Variants in CSMD1 observed in about 807,000 individuals in gnomAD.
The protein encoded by CSMD1 is CUB and sushi domain-containing protein 1.
A neutral mutation model predicts 417.5 loss-of-function variants in CSMD1; 213 were observed. The observed-to-expected ratio is 0.51, with a 90% CI of 0.46 to 0.57. The LOEUF (loss-of-function observed/expected upper bound fraction) is 0.57, where lower values mean the gene tolerates loss of function less well. Ranked by LOEUF, CSMD1 falls within the 20% of genes least tolerant of loss-of-function variation. CSMD1 has a pLI of 0.00. For synonymous variants in CSMD1, 2,862 were observed against 1,736.8 expected (o/e 1.65, Z -16.11); for missense variants, 6,923 against 4,529.7 (o/e 1.53, Z -15.17).
At chr8:3,952,574 A>G (rs189921673) in intron 5 of CSMD1, among the ~76,000 whole-genome samples, 2 of 152,202 alleles carry the variant, frequency 1.3e-5, no homozygotes, top group Non-Finnish European at 2.9e-5. Flanking sequence ...CAGAAAACAG[A>G]TCAGCAGTCA....
intron 3 of CSMD1, among the ~76,000 whole-genome samples, chr8:4,123,818 C>G (rs1000055981): frequency 2.0e-5 from 3 of 152,034 alleles, no homozygotes; most frequent in Non-Finnish European, 4.4e-5. Context: ...GAACTAAGTT[C>G]AAGTGAGGAC....
At chr8:3,751,582 AGTT>A (rs1464271392) in intron 6 of CSMD1, among the ~76,000 whole-genome samples, 1 of 150,830 alleles carries the variant, frequency 6.6e-6, no homozygotes, top group Non-Finnish European at 1.5e-5. Context: ...TCTATAATGT[AGTT>A]GTATTGTTTA....
At chr8:4,970,844 G>C (rs1279211297) in intron 1 of CSMD1, among the ~76,000 whole-genome samples, 1 of 151,830 alleles carries the variant, frequency 6.6e-6, no homozygotes, top group African/African-American at 2.4e-5. Context: ...ATCAAAGTAT[G>C]GTAGATTTTG....
chr8:4,653,240 C>T (rs904892233), intron 1 of CSMD1, among the ~76,000 whole-genome samples: 2 of 152,072 alleles, frequency 1.3e-5, no homozygotes, highest in Non-Finnish European at 2.9e-5. Flanking sequence ...CTATACAAAT[C>T]GGGCTCCTAT....
chr8:3,132,979 T>C (rs1473086838), intron 41 of CSMD1, among the ~76,000 whole-genome samples: 3 of 152,190 alleles, frequency 2.0e-5, no homozygotes, highest in Non-Finnish European at 4.4e-5. Context: ...TGCCGCTCCG[T>C]TCACCTGGGA....
chr8:3,485,538 CAGAGAGAGAG>C (rs55757538), intron 11 of CSMD1, among the ~76,000 whole-genome samples: 1 of 134,922 alleles, frequency 7.4e-6, no homozygotes, highest in South Asian at 2.4e-4. Flanking sequence ...CACACACACA[CAGAGAGAGAG>C]AGAGAGAGAG....
At chr8:4,565,794 A>ATATATG (rs1798579519) in intron 2 of CSMD1, among the ~76,000 whole-genome samples, 4 of 67,560 alleles carry the variant, frequency 5.9e-5, no homozygotes, top group African/African-American at 2.2e-4. Context: ...ATATATATAT[A>ATATATG]TATGTATACA....
intron 1 of CSMD1, among the ~76,000 whole-genome samples, chr8:4,649,011 C>A (rs371456860): frequency 6.6e-6 from 1 of 152,114 alleles, no homozygotes; most frequent in African/African-American, 2.4e-5. Flanking sequence ...ATCTATACTG[C>A]GGTTATATAT....
intron 3 of CSMD1, among the ~76,000 whole-genome samples, chr8:4,268,833 T>G (rs2128849194): frequency 6.6e-6 from 1 of 152,284 alleles, no homozygotes; most frequent in African/African-American, 2.4e-5. Context: ...CAAGTAATCT[T>G]AATATGGGAG....
At chr8:4,537,147 G>A (rs962636237) in intron 2 of CSMD1, among the ~76,000 whole-genome samples, 2 of 152,030 alleles carry the variant, frequency 1.3e-5, no homozygotes, top group African/African-American at 4.8e-5. Context: ...ATTACAATTT[G>A]GGTCCTCTTG....
At chr8:3,700,988 C>A (rs931173) in intron 7 of CSMD1, among the ~76,000 whole-genome samples, 8,136 of 148,424 alleles carry the variant, frequency 0.055, 724 homozygotes, top group African/African-American at 0.19. Context: ...AGGTGAGGGG[C>A]GACGGTGGTT....
intron 12 of CSMD1, among the ~76,000 whole-genome samples, chr8:3,452,755 C>A (rs1815831458): frequency 6.6e-6 from 1 of 152,144 alleles, no homozygotes; most frequent in Non-Finnish European, 1.5e-5. Context: ...CGATGTTCAT[C>A]AGGGATATTG....
chr8:4,364,249 A>G (rs1801941961), intron 3 of CSMD1, among the ~76,000 whole-genome samples: 2 of 152,204 alleles, frequency 1.3e-5, no homozygotes, highest in African/African-American at 4.8e-5. Flanking sequence ...AATGCTTTAC[A>G]TCTCAAAGGG....
intron 1 of CSMD1, among the ~76,000 whole-genome samples, chr8:4,844,499 T>G (rs1307384200): frequency 6.6e-6 from 1 of 152,148 alleles, no homozygotes; most frequent in Non-Finnish European, 1.5e-5. Context: ...ATCAGCACTC[T>G]TGGCCGCGTC....
At chr8:4,919,122 T>C (rs1806265199) in intron 1 of CSMD1, among the ~76,000 whole-genome samples, 1 of 152,222 alleles carries the variant, frequency 6.6e-6, no homozygotes, top group Non-Finnish European at 1.5e-5. Flanking sequence ...GCCTTACTTC[T>C]ATAAAGTTAG....
intron 50 of CSMD1, among the ~76,000 whole-genome samples, chr8:3,035,239 G>A (rs1028113381): frequency 2.6e-5 from 4 of 152,118 alleles, no homozygotes; most frequent in African/African-American, 9.7e-5. Flanking sequence ...TGCAGAGCGC[G>A]GCTGCTCCCA....
chr8:4,377,788 T>C (rs183670876), intron 3 of CSMD1, among the ~76,000 whole-genome samples: 13 of 152,366 alleles, frequency 8.5e-5, no homozygotes, highest in Admixed American at 8.5e-4. Flanking sequence ...CACCTTTAAA[T>C]ATCCAAGCGT....
rs978349658 is a variant in CSMD1, at chr8:4,272,278, T to C, written c.415+147675A>G. Among the ~76,000 whole-genome samples the C allele has an allele frequency of 1.9e-4, 29 of 152,200 alleles. 1 individual carries two copies. On this transcript the variant is annotated intron_variant, in intron 3 of 69. Coordinates refer to ENST00000635120, the MANE Select transcript of CSMD1 (RefSeq NM_033225.6). Reference sequence around the variant, plus strand: ...TCGAATCTGGGACTTTAAGAAAACTTATAAATAGAAAAACATTTTTTTCCT... The same window carrying C: ...TCGAATCTGGGACTTTAAGAAAACTCATAAATAGAAAAACATTTTTTTCCT...
intron 5 of CSMD1, among the ~76,000 whole-genome samples, chr8:3,848,991 T>A (rs1457763347): frequency 6.6e-6 from 1 of 151,736 alleles, no homozygotes; most frequent in East Asian, 1.9e-4. Context: ...AATCTTATAA[T>A]AATGGACTTT....
Sources: allele counts gnomAD v4.1 joint callset (sites outside exome capture counted in the v4.1 genomes callset), GRCh38; gene constraint gnomAD v4.1.1; transcripts MANE v1.5; gene names NCBI Gene and HGNC (gene_info 2026-07-23, HGNC 2026-07-21).